Variants in TMEM182 observed in about 807,000 individuals in gnomAD.
TMEM182 encodes the protein transmembrane protein 182.
A neutral mutation model predicts 26.8 loss-of-function variants in TMEM182; 20 were observed. The ratio of observed to expected loss-of-function variants is 0.75; its 90% CI spans 0.53 to 1.09. TMEM182 has a LOEUF of 1.09. TMEM182 is among the 50% of genes least tolerant of loss of function. TMEM182 has a pLI of 0.00. For synonymous variants in TMEM182, 109 were observed against 102.2 expected, an observed-to-expected ratio of 1.07 and a Z score of -0.40; for missense variants, 277 against 275.5, an observed-to-expected ratio of 1.01 and a Z score of -0.04.
At chr2:102,780,384 C>T (rs769823927) in intron 3 of TMEM182, among the ~76,000 whole-genome samples, 5 of 152,108 alleles carry the variant, frequency 3.3e-5, no homozygotes, top group Non-Finnish European at 7.4e-5. Context: ...CTGCTGAGTG[C>T]TAGTGAGGGT....
intron 3 of TMEM182, among the ~76,000 whole-genome samples, chr2:102,777,892 C>A (rs1451373777): frequency 2.7e-5 from 4 of 150,560 alleles, no homozygotes; most frequent in Non-Finnish European, 5.9e-5. Context: ...AATTTCAATT[C>A]TTTTAAAATG....
intron 1 of TMEM182, among the ~76,000 whole-genome samples, chr2:102,752,379 A>G (rs1227214404): frequency 6.6e-6 from 1 of 152,188 alleles, no homozygotes; most frequent in Non-Finnish European, 1.5e-5. Flanking sequence ...ATATGCTCTA[A>G]TTTTTAAGTG....
chr2:102,780,763 A>G lies in TMEM182; in HGVS notation c.331+16336A>G, dbSNP rs533818368. On this transcript the variant is annotated intron_variant, in intron 3 of 4. Transcript: ENST00000412401. ...CACCTTGTTACAAACTGTGGAGGAG[A>G]AAGTGTACACTCTCAGTTTTTGCTT... is the stretch of plus-strand genomic sequence containing the variant. Among the ~76,000 whole-genome samples the G allele has an allele frequency of 1.2e-4, 18 of 152,222 alleles. No individual in the cohort carries two copies. The East Asian group carries it at 3.5e-3, about 29-fold the overall frequency.
At chr2:102,753,574 T>C (rs1473198965) in intron 1 of TMEM182, among the ~76,000 whole-genome samples, 2 of 152,196 alleles carry the variant, frequency 1.3e-5, no homozygotes, top group African/African-American at 4.8e-5. Flanking sequence ...TCTTGCTATG[T>C]TGCCCAGGCT....
chr2:102,817,794 A>C (rs1240511274), downstream of TMEM182: 3 of 810,616 alleles, frequency 3.7e-6, no homozygotes, highest in African/African-American at 5.6e-5. Flanking sequence ...ATGTTTGGGT[A>C]GAAAGAGATA....
At chr2:102,756,866 T>C (rs1322363389) in intron 1 of TMEM182, among the ~76,000 whole-genome samples, 1 of 151,910 alleles carries the variant, frequency 6.6e-6, no homozygotes, top group African/African-American at 2.4e-5. Context: ...CAGGCTGGAG[T>C]GCAGTGGCAT....
At position 102,768,459 on chromosome 2, in the gene TMEM182, C is replaced by T. The variant is rs576307578; in HGVS notation, c.331+4032C>T. Among the ~76,000 whole-genome samples, 17 of 151,412 alleles carry T rather than the reference C, an allele frequency of 1.1e-4. 1 individual carries two copies. The highest frequency in any genetic ancestry group is 1.7e-4 in the African/African-American group (7 of 41,290). ...ATCCCAACACTTTGGAAGGCTGAGG[C>T]GGGCAGATCACTTGAGGTCAGTTAG... is the stretch of plus-strand genomic sequence containing the variant. On this transcript the variant is annotated intron_variant, in intron 3 of 4. Transcript: ENST00000412401.
intron 3 of TMEM182, among the ~76,000 whole-genome samples, chr2:102,842,123 C>T (rs1683364766): frequency 6.6e-6 from 1 of 152,122 alleles, no homozygotes; most frequent in Non-Finnish European, 1.5e-5. Flanking sequence ...GGATAATTCA[C>T]TTGTCTCCTT....
chr2:102,818,472 C>A (rs1682822814), downstream of TMEM182, among the ~76,000 whole-genome samples: 2 of 152,162 alleles, frequency 1.3e-5, no homozygotes, highest in Admixed American at 1.3e-4. Flanking sequence ...TCTGAACTAA[C>A]TCCCCAGAGC....
At chr2:102,756,657 T>G (rs1222872454) in intron 1 of TMEM182, among the ~76,000 whole-genome samples, 1 of 152,050 alleles carries the variant, frequency 6.6e-6, no homozygotes, top group African/African-American at 2.4e-5. Context: ...TGCAGTGAGC[T>G]GAGTTCCTGC....
intron 3 of TMEM182, among the ~76,000 whole-genome samples, chr2:102,783,232 CTA>C (rs1681249143): frequency 1.3e-5 from 2 of 152,174 alleles, no homozygotes; most frequent in African/African-American, 4.8e-5. Flanking sequence ...TATGGGAACA[CTA>C]TGTTTGATTT....
chr2:102,790,644 G>A (rs1681597071), intron 3 of TMEM182, among the ~76,000 whole-genome samples: 1 of 152,122 alleles, frequency 6.6e-6, no homozygotes, highest in Admixed American at 6.5e-5. Context: ...TGTAGTTTTT[G>A]GTTATTTTTA....
At chr2:102,800,619 T>A (rs937812412) in intron 4 of TMEM182, among the ~76,000 whole-genome samples, 17 of 152,180 alleles carry the variant, frequency 1.1e-4, no homozygotes, top group African/African-American at 4.1e-4. Context: ...AACAGTGCTC[T>A]GTTTACATGT....
At position 102,814,983 on chromosome 2, in the gene TMEM182, C is replaced by G. The variant is rs752272768; in HGVS notation, c.*15C>G. 9 of 1,612,062 alleles carry G rather than the reference C, an allele frequency of 5.6e-6. No individual in the cohort carries two copies. The highest frequency in any genetic ancestry group is 7.6e-6 in the Non-Finnish European group (9 of 1,179,224). ...TACATCACTAAATCAACTGTTGCCACAAGTATTTTCTTGAGAGATTTTAAA... is the reference window on the plus strand; with the variant it reads ...TACATCACTAAATCAACTGTTGCCAGAAGTATTTTCTTGAGAGATTTTAAA... On this transcript the variant is annotated 3_prime_UTR_variant, in exon 5 of 5. Coordinates refer to ENST00000412401, the MANE Select transcript of TMEM182 (RefSeq NM_144632.5).
At chr2:102,737,948 A>C (rs1389609460) in intron 1 of TMEM182, among the ~76,000 whole-genome samples, 1 of 152,218 alleles carries the variant, frequency 6.6e-6, no homozygotes, top group Non-Finnish European at 1.5e-5. Context: ...TCAGTGTTGC[A>C]AAGTTTCTCA....
chr2:102,833,880 C>T (rs778957763), intron 3 of TMEM182, among the ~76,000 whole-genome samples: 1 of 152,194 alleles, frequency 6.6e-6, no homozygotes, highest in Non-Finnish European at 1.5e-5. Context: ...CCCTTCCCAA[C>T]GCATTGCATC....
intron 1 of TMEM182, among the ~76,000 whole-genome samples, chr2:102,741,535 G>T (rs1424969915): frequency 6.6e-6 from 1 of 152,074 alleles, no homozygotes; most frequent in African/African-American, 2.4e-5. Context: ...AGAATCTTAC[G>T]TTACTTGGAA....
At chr2:102,773,400 A>T (rs1384295149) in intron 3 of TMEM182, among the ~76,000 whole-genome samples, 1 of 151,910 alleles carries the variant, frequency 6.6e-6, no homozygotes, top group Non-Finnish European at 1.5e-5. Flanking sequence ...AGGGGAAAGC[A>T]CATCTCTGAC....
upstream of TMEM182, among the ~76,000 whole-genome samples, chr2:102,757,941 AACTC>A (rs1433660818): frequency 1.3e-5 from 2 of 152,120 alleles, no homozygotes; most frequent in Non-Finnish European, 2.9e-5. Context: ...ATCTCATGAG[AACTC>A]ACTCACTATC....
Sources: gnomAD v4.1 joint callset for allele counts (sites outside exome capture counted in the v4.1 genomes callset) on GRCh38, gnomAD v4.1.1 for gene constraint, MANE v1.5 for transcripts, NCBI Gene and HGNC (gene_info 2026-07-23, HGNC 2026-07-21) for gene names.